Variants in MTAP observed in about 807,000 individuals in gnomAD.
MTAP encodes the protein methylthioadenosine phosphorylase.
In MTAP, 33 loss-of-function variants were observed where a neutral mutation model predicts 33.6. The observed-to-expected ratio is 0.98, with a 90% CI of 0.74 to 1.31. The LOEUF (loss-of-function observed/expected upper bound fraction) is 1.31. MTAP is among the 40% of genes most tolerant of loss of function. MTAP has a pLI of 0.00. For synonymous variants in MTAP, 148 were observed against 125.7 expected, an observed-to-expected ratio of 1.18 and a Z score of -1.19; for missense variants, 367 against 360.0, an observed-to-expected ratio of 1.02 and a Z score of -0.16.
chr9:21,893,696 C>T (rs1818236700), intron 1 of MTAP: 1 of 151,876 alleles, frequency 6.6e-6, no homozygotes, highest in Non-Finnish European at 1.5e-5. Flanking sequence ...AAGATTAAAC[C>T]TGGAAAAAAT....
intron 1 of MTAP, among the ~76,000 whole-genome samples, chr9:21,924,953 T>C (rs535209727): frequency 4.6e-4 from 70 of 152,376 alleles, no homozygotes; most frequent in African/African-American, 1.7e-3. Flanking sequence ...TCAGTCATAC[T>C]GGGACAAACC....
intron 1 of MTAP, among the ~76,000 whole-genome samples, chr9:21,884,281 C>T (rs886104590): frequency 4.6e-5 from 7 of 152,186 alleles, no homozygotes; most frequent in Non-Finnish European, 5.9e-5. Context: ...CGGTCATAGA[C>T]GTTTTGTTTT....
intron 5 of MTAP, among the ~76,000 whole-genome samples, chr9:21,847,753 A>G (rs1303685193): frequency 6.6e-6 from 1 of 152,264 alleles, no homozygotes; most frequent in East Asian, 1.9e-4. Flanking sequence ...ACTGAGCCTC[A>G]GATCTGCTAA....
chr9:21,840,022 C>A (rs865844519), intron 5 of MTAP, among the ~76,000 whole-genome samples: 5 of 152,078 alleles, frequency 3.3e-5, no homozygotes, highest in African/African-American at 1.2e-4. Flanking sequence ...GTCAGGAGAT[C>A]AAGAACATTC....
intron 1 of MTAP, among the ~76,000 whole-genome samples, chr9:21,928,404 G>C (rs531150853): frequency 1.2e-4 from 19 of 152,158 alleles, no homozygotes; most frequent in Non-Finnish European, 2.5e-4. Flanking sequence ...TACATACTCT[G>C]GGGAGGACTG....
At chr9:21,846,627 C>T (rs1825390740) in intron 5 of MTAP, among the ~76,000 whole-genome samples, 1 of 147,484 alleles carries the variant, frequency 6.8e-6, no homozygotes. Context: ...AACACTTTTA[C>T]ACTGCTGGTG....
Position 21,863,303 on chromosome 9 carries a change from A to G in MTAP, c.*1289A>G, listed in dbSNP as rs576166324. 5.9e-5 allele frequency: 58 copies of G among 984,452 alleles called. No homozygotes were observed. In the African/African-American group the frequency reaches 9.6e-4, roughly 16 times the overall value. 61.0% of individuals were successfully genotyped at this position (984,452 alleles called of 1,614,324 possible). ...CTTTTTTAACTCTTTTTTTATTGTT[A>G]TTTTATAGAAATGCTTTTTGTTGGC... On this transcript the variant is annotated 3_prime_UTR_variant, in exon 8 of 8. Transcript: ENST00000644715.
chr9:21,939,165 A>T (rs998055359), downstream of MTAP, among the ~76,000 whole-genome samples: 16 of 152,184 alleles, frequency 1.1e-4, 1 homozygote, highest in Admixed American at 9.8e-4. Context: ...ATCAGGTAAG[A>T]AGTGCCTTTC....
At chr9:21,821,565 G>T (rs980781769) in intron 4 of MTAP, among the ~76,000 whole-genome samples, 3 of 152,196 alleles carry the variant, frequency 2.0e-5, no homozygotes, top group Admixed American at 6.5e-5. Context: ...ATGTTCATCA[G>T]GGATATTGGT....
intron 4 of MTAP, among the ~76,000 whole-genome samples, chr9:21,831,101 C>G (rs1196407844): frequency 6.6e-6 from 1 of 152,130 alleles, no homozygotes; most frequent in Non-Finnish European, 1.5e-5. Context: ...TACCTTTGCA[C>G]ATTCATTTGT....
At chr9:21,844,136 G>A (rs1825319024) in intron 5 of MTAP, among the ~76,000 whole-genome samples, 1 of 152,150 alleles carries the variant, frequency 6.6e-6, no homozygotes, top group Admixed American at 6.5e-5. Flanking sequence ...TAGAGGAGAT[G>A]AGTAAATTCT....
At chr9:21,873,513 A>T (rs1049647504) in intron 1 of MTAP, among the ~76,000 whole-genome samples, 1 of 152,076 alleles carries the variant, frequency 6.6e-6, no homozygotes, top group African/African-American at 2.4e-5. Flanking sequence ...CCCTTCTGCC[A>T]TGTGAGAACA....
downstream of MTAP, among the ~76,000 whole-genome samples, chr9:21,870,524 C>T (rs115831682): frequency 6.6e-6 from 1 of 152,290 alleles, no homozygotes; most frequent in African/African-American, 2.4e-5. Context: ...TCCCACACCT[C>T]ATGGCACTCT....
chr9:21,894,355 G>C (rs535446241), intron 1 of MTAP, among the ~76,000 whole-genome samples: 1 of 152,110 alleles, frequency 6.6e-6, no homozygotes, highest in Non-Finnish European at 1.5e-5. Context: ...AGACCAAGAT[G>C]CCCACTCTCA....
At chr9:21,882,442 G>A (rs1818030855) in intron 1 of MTAP, among the ~76,000 whole-genome samples, 1 of 151,916 alleles carries the variant, frequency 6.6e-6, no homozygotes, top group Non-Finnish European at 1.5e-5. Context: ...TTGATCCGAA[G>A]AGTTAATATT....
chr9:21,876,405 G>T (rs1459189135), intron 1 of MTAP, among the ~76,000 whole-genome samples: 2 of 152,034 alleles, frequency 1.3e-5, no homozygotes, highest in Non-Finnish European at 2.9e-5. Flanking sequence ...TGCTTTTGTT[G>T]TGATAGCTTT....
At chr9:21,888,231 G>A (rs1025370653) in intron 1 of MTAP, among the ~76,000 whole-genome samples, 1 of 152,086 alleles carries the variant, frequency 6.6e-6, no homozygotes, top group Non-Finnish European at 1.5e-5. Flanking sequence ...GATTTGTTTT[G>A]GGGTGTGTCA....
intron 6 of MTAP, among the ~76,000 whole-genome samples, chr9:21,855,821 G>A (rs1257167841): frequency 2.6e-5 from 4 of 152,152 alleles, no homozygotes; most frequent in Non-Finnish European, 5.9e-5. Flanking sequence ...TGATAGGTAT[G>A]TCCCTACCTA....
chr9:21,918,986 G>A (rs1185809908), intron 1 of MTAP, among the ~76,000 whole-genome samples: 1 of 152,130 alleles, frequency 6.6e-6, no homozygotes, highest in East Asian at 1.9e-4. Context: ...TGATCACCAA[G>A]GTGTGACATA....
Sources: allele counts gnomAD v4.1 joint callset (sites outside exome capture counted in the v4.1 genomes callset), GRCh38; gene constraint gnomAD v4.1.1; transcripts MANE v1.5; gene names NCBI Gene and HGNC (gene_info 2026-07-23, HGNC 2026-07-21).